TRAF3IP3: variants seen among roughly 807,000 people sequenced by gnomAD.
TRAF3IP3 encodes TRAF3-interacting JNK-activating modulator.
TRAF3IP3 carries 64 observed loss-of-function variants against 86.5 expected under a neutral mutation model. The ratio of observed to expected loss-of-function variants is 0.74; its 90% CI spans 0.60 to 0.91. The LOEUF is 0.91. TRAF3IP3 is among the 40% of genes least tolerant of loss of function. TRAF3IP3 has a pLI of 0.00. For missense variants in TRAF3IP3, 579 were observed against 642.9 expected (o/e 0.90, Z 1.07); for synonymous variants, 220 against 243.9 (o/e 0.90, Z 0.91).
At chr1:209,760,615 A>G (rs1428545333) in intron 3 of TRAF3IP3, among the ~76,000 whole-genome samples, 1 of 152,230 alleles carries the variant, frequency 6.6e-6, no homozygotes, top group Non-Finnish European at 1.5e-5. Context: ...CACTTGACTT[A>G]TAAGAGAGAA....
chr1:209,767,514 A>T (rs1178018265), intron 8 of TRAF3IP3, among the ~76,000 whole-genome samples: 1 of 152,088 alleles, frequency 6.6e-6, no homozygotes, highest in East Asian at 1.9e-4. Context: ...ACATAGTGAG[A>T]CCTCATCTCT....
intron 11 of TRAF3IP3, 85 bp from the exon 12 acceptor site, chr1:209,777,267 C>A: frequency 3.2e-6 from 4 of 1,254,514 alleles, no homozygotes; most frequent in South Asian, 1.6e-5. Flanking sequence ...GACTTTTCTA[C>A]ATTTTCCTCT....
intron 8 of TRAF3IP3, among the ~76,000 whole-genome samples, chr1:209,770,625 T>TG (rs1558018836): frequency 5.1e-5 from 6 of 118,264 alleles, no homozygotes; most frequent in Non-Finnish European, 6.8e-5. Context: ...CAGCTGGAAG[T>TG]TGTGTGCAGG....
intron 8 of TRAF3IP3, chr1:209,768,391 T>A (rs1213014740): frequency 8.1e-6 from 8 of 985,360 alleles, no homozygotes; most frequent in Non-Finnish European, 8.4e-6. Context: ...GAAACAGCTC[T>A]ACTAGCAGAG....
rs745855726 is a variant in TRAF3IP3 at position 209,782,021 on chromosome 1, TG to T, written c.1564-33del. 3.8e-6 allele frequency: 6 copies of T among 1,559,422 alleles called. No homozygotes were observed. In the African/African-American group the frequency reaches 8.1e-5, roughly 21 times the overall value. On this transcript the variant is annotated intron_variant, in intron 16 of 16. Transcript: ENST00000367025. ...GCCTATATCTTTTCCAATCCACTCA[TG>T]GCCACTTTCTTCTGTCTCCCTGTCC...
intron 8 of TRAF3IP3, among the ~76,000 whole-genome samples, chr1:209,772,439 G>A (rs2077565135): frequency 6.6e-6 from 1 of 152,162 alleles, no homozygotes; most frequent in African/African-American, 2.4e-5. Flanking sequence ...TGGGGCACTC[G>A]GGGCTTAGGA....
At chr1:209,768,139 T>C (rs1571929691) in intron 8 of TRAF3IP3, 1 of 985,434 alleles carries the variant, frequency 1.0e-6, no homozygotes. Context: ...AACTGTGGTA[T>C]CTGGGAAAAA....
chr1:209,758,060 G>T (rs2077183590), intron 1 of TRAF3IP3, among the ~76,000 whole-genome samples: 1 of 152,042 alleles, frequency 6.6e-6, no homozygotes, highest in Admixed American at 6.5e-5. Context: ...TGTGGCTCAG[G>T]GATGCTGTGA....
rs952568172 is a variant in TRAF3IP3 at position 209,775,715 on chromosome 1, C to T, written c.1032C>T (p.His344=). ...ACAGGGAGCTGGAGAGCCAACTCCACGTGCTTCAGTCCAAACTGCAGGTAC... is the reference window on the plus strand; with the variant it reads ...ACAGGGAGCTGGAGAGCCAACTCCATGTGCTTCAGTCCAAACTGCAGGTAC... ...TQHRELESQL[H]VLQSKLQGAD... is the part of the protein sequence containing the mutation. Residue 344 remains histidine (H), a synonymous_variant, in exon 11 of 17, where the codon CAC becomes CAT. Transcript: ENST00000367025. The T allele has an allele frequency of 2.5e-6, 4 of 1,612,878 alleles. No homozygotes were observed. The highest frequency in any genetic ancestry group is 1.7e-5 in the Admixed American group (1 of 59,844).
chr1:209,756,360 C>T (rs570120048), intron 1 of TRAF3IP3, 51 bp downstream of exon 1: 7 of 152,326 alleles, frequency 4.6e-5, no homozygotes, highest in South Asian at 2.1e-4. Flanking sequence ...ACTCCAACTT[C>T]GGGGTAGGGC....
chr1:209,780,715 A>G (rs2077758971), intron 15 of TRAF3IP3, 109 bp downstream of exon 15: 4 of 1,061,654 alleles, frequency 3.8e-6, no homozygotes, highest in Non-Finnish European at 5.0e-6. Context: ...GTGGATAACC[A>G]CAGACATTCA....
chr1:209,763,244 C>T (rs2077279816), intron 6 of TRAF3IP3, 119 bp from the exon 7 acceptor site: 2 of 1,401,644 alleles, frequency 1.4e-6, no homozygotes, highest in South Asian at 2.3e-5. Flanking sequence ...TAAAGGGACC[C>T]TGTCAGAGCC....
At chr1:209,775,162 C>G in intron 9 of TRAF3IP3, 187 bp from the exon 10 acceptor site, 1 of 615,852 alleles carries the variant, frequency 1.6e-6, no homozygotes, top group African/African-American at 1.9e-5. Context: ...GTTTATTATG[C>G]CCTCCACTCA....
chr1:209,775,394 G>A lies in TRAF3IP3; in HGVS notation c.820G>A (p.Asp274Asn). Residue 274 changes from aspartate to asparagine, a missense_variant, in exon 10 of 17, where the codon GAC (aspartate) becomes AAC (asparagine). Transcript: ENST00000367025. Reference protein sequence around the residue: ...GMKKVLLEMEDQKNSYEQKAK... With the variant: ...GMKKVLLEMENQKNSYEQKAK... Reference sequence around the variant, plus strand: ...GAAAAAAGTACTACTGGAGATGGAAGACCAGAAAAACAGCTATGAGCAGAA... The same window carrying A: ...GAAAAAAGTACTACTGGAGATGGAAAACCAGAAAAACAGCTATGAGCAGAA... 6.2e-7 allele frequency: 1 copy of A among 1,614,114 alleles called. No homozygotes were observed. Among genetic ancestry groups the A allele is most frequent in the Non-Finnish European group, 8.5e-7 (1 of 1,179,992 alleles).
At chr1:209,775,274 C>T in intron 9 of TRAF3IP3, 75 bp from the exon 10 acceptor site, 2 of 1,443,202 alleles carry the variant, frequency 1.4e-6, no homozygotes, top group Non-Finnish European at 1.9e-6. Flanking sequence ...AACTTCTTTT[C>T]ATTTCTGTAT....
chr1:209,768,717 C>A, intron 8 of TRAF3IP3: 1 of 984,768 alleles, frequency 1.0e-6, no homozygotes, highest in Non-Finnish European at 1.2e-6. Context: ...GCCCTCTGAG[C>A]CCTCGGCTCC....
intron 1 of TRAF3IP3, among the ~76,000 whole-genome samples, chr1:209,756,582 C>G (rs1317366492): frequency 2.0e-5 from 3 of 152,170 alleles, no homozygotes; most frequent in African/African-American, 7.2e-5. Context: ...TTCAGGCTAC[C>G]CAGTGATATG....
intron 16 of TRAF3IP3, chr1:209,781,839 T>C: frequency 3.5e-6 from 2 of 568,032 alleles, no homozygotes; most frequent in South Asian, 4.3e-5. Context: ...TTTATATATC[T>C]GGTCCCTGAT....
At chr1:209,762,470 G>A (rs2077263206) in intron 3 of TRAF3IP3, 45 bp from the exon 4 acceptor site, 1 of 1,421,020 alleles carries the variant, frequency 7.0e-7, no homozygotes, top group South Asian at 1.9e-5. Context: ...AGTCTTTCAA[G>A]AGGCTCCAGG....
Sources: gnomAD v4.1 joint callset for allele counts (sites outside exome capture counted in the v4.1 genomes callset) on GRCh38, gnomAD v4.1.1 for gene constraint, MANE v1.5 for transcripts, NCBI Gene and HGNC (gene_info 2026-07-23, HGNC 2026-07-21) for gene names.